The following PCSK7 variants were observed in gnomAD, a reference collection of about 807,000 sequenced individuals.
PCSK7 encodes the protein lymphoma proprotein convertase.
In PCSK7, 38 loss-of-function variants were observed where a neutral mutation model predicts 73.3. That is an observed-to-expected ratio of 0.52 (90% CI 0.40 to 0.68). PCSK7 has a LOEUF of 0.68. Ranked by LOEUF, PCSK7 falls within the 30% of genes least tolerant of loss-of-function variation. The probability of loss-of-function intolerance (pLI) is 0.00; values close to 1 mark genes in which losing one functional copy is unlikely to be tolerated. For missense variants in PCSK7, 692 were observed against 991.5 expected (o/e 0.70, Z 4.06); for synonymous variants, 296 against 383.8 (o/e 0.77, Z 2.68).
At chr11:117,228,796 AT>A (rs1181223685) in intron 3 of PCSK7, among the ~76,000 whole-genome samples, 6 of 151,656 alleles carry the variant, frequency 4.0e-5, no homozygotes, top group Non-Finnish European at 7.4e-5. Context: ...AATTTTTTGT[AT>A]TTTTAGTAGA....
chr11:117,229,224 G>A (rs1181995033), intron 3 of PCSK7, among the ~76,000 whole-genome samples, 153 bp downstream of exon 3: 1 of 152,244 alleles, frequency 6.6e-6, no homozygotes, highest in Non-Finnish European at 1.5e-5. Flanking sequence ...GACAGTAGAA[G>A]GGAGGGAGAG....
chr11:117,231,540 G>A (rs1420336808), intron 1 of PCSK7, among the ~76,000 whole-genome samples: 2 of 152,212 alleles, frequency 1.3e-5, no homozygotes, highest in Admixed American at 6.5e-5. Flanking sequence ...ATGTCAGGAA[G>A]AAAGAGAAGC....
In PCSK7 at chr11:117,224,065, A is replaced by G. The variant is rs149062087; in HGVS notation, c.1054+13T>C. 1,106 of 1,613,960 alleles carry G rather than the reference A, an allele frequency of 6.9e-4. 6 individuals are homozygous for G. The African/African-American group carries it at 0.011, about 16-fold the overall frequency. On this transcript the variant is annotated intron_variant, in intron 8 of 16. Coordinates refer to ENST00000320934, the MANE Select transcript of PCSK7 (RefSeq NM_004716.4). Reference sequence around the variant, plus strand: ...GACACACACACAGGAGCACAGAAACATTGGGTGACTACCTATGGTGACGGT... The same window carrying G: ...GACACACACACAGGAGCACAGAAACGTTGGGTGACTACCTATGGTGACGGT...
intron 2 of PCSK7, 95 bp from the exon 3 acceptor site, chr11:117,229,951 G>A (rs2032581646): frequency 2.8e-6 from 2 of 701,814 alleles, no homozygotes; most frequent in Non-Finnish European, 2.3e-6. Context: ...TGTTCCCCCT[G>A]GAAGTCCCTA....
intron 6 of PCSK7, chr11:117,225,510 A>T (rs879733346): frequency 5.1e-6 from 1 of 197,904 alleles, no homozygotes. Flanking sequence ...GGGGAGGAAC[A>T]GGTGCCATCA....
In PCSK7 at chr11:117,224,184, G is replaced by A; in HGVS notation, c.948C>T (p.Arg316=). 1.9e-6 allele frequency: 3 copies of A among 1,614,146 alleles called. No individual in the cohort carries two copies. The highest frequency in any genetic ancestry group is 2.5e-6 in the Non-Finnish European group (3 of 1,180,032). The change falls in exon 8 of 17, where the codon CGC becomes CGT. Residue 316 remains arginine, a synonymous_variant. Coordinates refer to ENST00000320934, the MANE Select transcript of PCSK7 (RefSeq NM_004716.4). The part of the protein sequence containing the change: ...AALQHGVIAG[R]QGFGSIFVVA... ...CCACAAAGATGCTCCCAAAGCCCTG[G>A]CGACCAGCAATCACCCCATGTTGTA...
At chr11:117,227,947 G>A (rs1030722285) in intron 4 of PCSK7, among the ~76,000 whole-genome samples, 4 of 152,136 alleles carry the variant, frequency 2.6e-5, no homozygotes, top group African/African-American at 2.4e-5. Flanking sequence ...GAAGGCACTC[G>A]GATTTCCAAC....
intron 12 of PCSK7, chr11:117,215,372 G>GTATATATA (rs1342453814): frequency 1.0e-4 from 8 of 79,362 alleles, no homozygotes; most frequent in Admixed American, 2.8e-4. Context: ...ATTTGTGTGT[G>GTATATATA]TGTGTGTGTA....
At position 117,206,330 on chromosome 11, in the gene PCSK7, G is replaced by A. The variant is rs145787133; in HGVS notation, c.2025C>T (p.Thr675=). ...LKTLVLVGCF[T]VFWTVYYMLE... ...GCATGTAGTAAACAGTCCAGAAGAC[G>A]GTGAAACAGCCTACCAGCACCAGGG... The change falls in exon 17 of 17, where the codon ACC becomes ACT. Residue 675 remains threonine, a synonymous_variant. Transcript: ENST00000320934. 9.4e-5 allele frequency: 151 copies of A among 1,610,762 alleles called. No homozygotes were observed. The highest frequency in any genetic ancestry group is 3.3e-4 in the Middle Eastern group (2 of 6,080).
rs752921693 is a variant in PCSK7, at chr11:117,229,832, T to A, written c.13A>T (p.Arg5Trp). 1.3e-5 allele frequency: 21 copies of A among 1,564,102 alleles called. No homozygotes were observed. Among genetic ancestry groups the A allele is most frequent in the Non-Finnish European group, 1.8e-5 (21 of 1,152,312 alleles). The change falls in exon 3 of 17, where the codon AGG (arginine) becomes TGG (tryptophan). Residue 5 changes from arginine (R) to tryptophan (W), a missense_variant. Transcript: ENST00000320934. ...GCATCCAAGTGTGGCACTTTCTGCC[T>A]CCCCTTCGGCATCAGAGCAGTGGAC... is the stretch of plus-strand genomic sequence containing the variant. MPKGRQKVPHLDAPL... is the reference protein window; with the variant it reads MPKGWQKVPHLDAPL...
At chr11:117,223,830 A>G in intron 8 of PCSK7, 2 of 509,482 alleles carry the variant, frequency 3.9e-6, no homozygotes, top group Middle Eastern at 5.1e-4. Flanking sequence ...GCCAGAGCAG[A>G]GGCCTAACCA....
At position 117,204,526 on chromosome 11, in the gene PCSK7, C is replaced by T. The variant is rs2031255030; in HGVS notation, c.*1471G>A. 9 of 1,073,058 alleles carry T rather than the reference C, an allele frequency of 8.4e-6. No homozygotes were observed. In the South Asian group the frequency reaches 1.1e-4, roughly 13 times the overall value. 66.5% of individuals were successfully genotyped at this position (1,073,058 alleles called of 1,614,324 possible). A position where few individuals can be genotyped will look rare whatever the true frequency, so the allele number is the denominator to read the frequency against. ...GCACCTGGGCAGCTCCTCCCTGTGC[C>T]CCCAGCCTCAGCCCAACTTCTTACC... is the stretch of plus-strand genomic sequence containing the variant. On this transcript the variant is annotated 3_prime_UTR_variant, in exon 17 of 17. Coordinates refer to ENST00000320934, the MANE Select transcript of PCSK7 (RefSeq NM_004716.4).
chr11:117,224,190 A>G lies in PCSK7; in HGVS notation c.942T>C (p.Ala314=). ...AGATGCTCCCAAAGCCCTGGCGACCAGCAATCACCCCATGTTGTAAGGCAG... is the reference window on the plus strand; with the variant it reads ...AGATGCTCCCAAAGCCCTGGCGACCGGCAATCACCCCATGTTGTAAGGCAG... The part of the protein sequence containing the change: ...GKAALQHGVI[A]GRQGFGSIFV... The change falls in exon 8 of 17, where the codon GCT becomes GCC. Residue 314 remains alanine (A), a synonymous_variant. Coordinates refer to ENST00000320934, the MANE Select transcript of PCSK7 (RefSeq NM_004716.4). 1 of 1,614,196 alleles carries G rather than the reference A, an allele frequency of 6.2e-7. No individual in the cohort carries two copies. Among genetic ancestry groups the G allele is most frequent in the South Asian group, 1.1e-5 (1 of 91,082 alleles).
At chr11:117,215,116 T>C (rs1241273161) in intron 12 of PCSK7, 1 of 152,110 alleles carries the variant, frequency 6.6e-6, no homozygotes. Context: ...CTTCTCAATA[T>C]GGTAGCCCTT....
chr11:117,224,944 CAG>C, intron 6 of PCSK7, 189 bp from the exon 7 acceptor site: 1 of 593,044 alleles, frequency 1.7e-6, no homozygotes, highest in Non-Finnish European at 3.0e-6. Flanking sequence ...AAGTGGAAAA[CAG>C]AAGTGTGCTA....
Position 117,218,507 on chromosome 11 carries a change from G to C in PCSK7, c.1493C>G (p.Ala498Gly). The C allele has an allele frequency of 6.2e-7, 1 of 1,609,646 alleles. No individual in the cohort carries two copies. Among genetic ancestry groups the C allele is most frequent in the African/African-American group, 1.3e-5 (1 of 74,782 alleles). Residue 498 changes from alanine (A) to glycine (G), a missense_variant, in exon 12 of 17, where the codon GCG becomes GGG. By Grantham distance (60) the Ala-to-Gly change is moderately conservative. Around this residue, in one of 6 missense-constraint regions of PCSK7, gnomAD observed 574 missense variants for 689.8 expected, o/e 0.83. Transcript: ENST00000320934. The surrounding 1 kb of genome is among the most constrained non-coding windows in gnomAD (Gnocchi z 4.0). The part of the protein sequence containing the change: ...YVSPVLKENK[A>G]IPQSPRSLEV... ...CAGGGAACGGGGGGACTGCGGAATC[G>C]CCTTGTTTTCTTTTAACACGGGACT...
intron 12 of PCSK7, chr11:117,213,600 G>C (rs922801749): frequency 6.6e-6 from 1 of 152,206 alleles, no homozygotes; most frequent in Non-Finnish European, 1.5e-5. Context: ...GGCAGAGAAG[G>C]GGCTTACAGG....
At chr11:117,206,414 T>C in intron 16 of PCSK7, 58 bp from the exon 17 acceptor site, 1 of 1,566,862 alleles carries the variant, frequency 6.4e-7, no homozygotes, top group East Asian at 2.3e-5. Context: ...ACAGCCTTTC[T>C]CAGCCCAGGA....
chr11:117,218,259 C>A lies in PCSK7; in HGVS notation c.1534+207G>T. The A allele has an allele frequency of 3.3e-6, 1 of 303,936 alleles. No homozygotes were observed. Among genetic ancestry groups the A allele is most frequent in the Non-Finnish European group, 6.1e-6 (1 of 164,008 alleles). The allele number at this position is 303,936 out of a possible 1,614,324, so 18.8% of individuals were successfully genotyped here. On this transcript the variant is annotated intron_variant, in intron 12 of 16. Coordinates refer to ENST00000320934, the MANE Select transcript of PCSK7 (RefSeq NM_004716.4). This position sits in a 1 kb window ranked among gnomAD's most constrained non-coding sequence, Gnocchi z 4.0. ...CTGCTCCTTTTCACTACTAGGAACC[C>A]AGGAGAAAGGTCTTGTTTAAGCAGC... is the stretch of plus-strand genomic sequence containing the variant.
Sources: gnomAD v4.1 joint callset for allele counts (sites outside exome capture counted in the v4.1 genomes callset) on GRCh38, gnomAD v4.1.1 for gene constraint, gnomAD v4.1.1 regional missense constraint, Gnocchi (gnomAD v3.1) non-coding constraint, MANE v1.5 for transcripts, NCBI Gene and HGNC (gene_info 2026-07-23, HGNC 2026-07-21) for gene names.